KATNAL2: variants seen among roughly 807,000 people sequenced by gnomAD.
KATNAL2 encodes the protein katanin catalytic subunit A1 like 2.
KATNAL2 carries 52 observed loss-of-function variants against 76.3 expected under a neutral mutation model. The observed-to-expected ratio is 0.68, with a 90% CI of 0.55 to 0.86. The LOEUF is 0.86. Ranked by LOEUF, KATNAL2 falls within the 40% of genes least tolerant of loss-of-function variation. The probability of loss-of-function intolerance (pLI) is 0.00; values close to 1 mark genes in which losing one functional copy is unlikely to be tolerated. For synonymous variants in KATNAL2, 243 were observed against 244.2 expected (o/e 1.00, Z 0.05); for missense variants, 660 against 668.9 (o/e 0.99, Z 0.15).
At chr18:47,032,698 C>A (rs929335684) in intron 3 of KATNAL2, 5 of 445,400 alleles carry the variant, frequency 1.1e-5, no homozygotes, top group East Asian at 4.2e-5. Context: ...AATCTCACAT[C>A]TTTTTCCTTA....
At chr18:47,084,391 C>G (rs1285752934) in intron 15 of KATNAL2, 1 of 702,870 alleles carries the variant, frequency 1.4e-6, no homozygotes, top group Non-Finnish European at 2.6e-6. Context: ...CAATCAAGGT[C>G]TTGATTGTGC....
chr18:47,097,462 C>T (rs1325692293), intron 15 of KATNAL2, among the ~76,000 whole-genome samples: 1 of 152,146 alleles, frequency 6.6e-6, no homozygotes, highest in East Asian at 1.9e-4. Flanking sequence ...AAAATATTTA[C>T]CCTAAATCTC....
intron 1 of KATNAL2, among the ~76,000 whole-genome samples, chr18:46,920,694 G>A (rs2058490188): frequency 6.6e-6 from 1 of 152,150 alleles, no homozygotes; most frequent in South Asian, 2.1e-4. Flanking sequence ...TGGCTGAGTG[G>A]TAAAGGGTAG....
chr18:47,100,174 T>C (rs1184777551), intron 16 of KATNAL2, 80 bp from the exon 17 acceptor site: 14 of 918,378 alleles, frequency 1.5e-5, no homozygotes, highest in Non-Finnish European at 2.1e-5. Context: ...GGGCTTCTGA[T>C]ACTGGGTCCT....
rs1599908480 is a variant in KATNAL2, at chr18:47,101,969, A to C, written c.*964A>C. 6.6e-6 allele frequency: 1 copy of C among 152,048 alleles called. No homozygotes were observed. The highest frequency in any genetic ancestry group is 1.5e-5 in the Non-Finnish European group (1 of 68,002). The allele number at this position is 152,048 out of a possible 1,614,324, so 9.4% of individuals were successfully genotyped here. ...CACTTCTTTTCCCCCACTAGAACTT[A>C]CCTATGGGAAATCACCTTCTTTTCT... is the stretch of plus-strand genomic sequence containing the variant. On this transcript the variant is annotated 3_prime_UTR_variant, in exon 18 of 18. Coordinates refer to ENST00000683218, the MANE Select transcript of KATNAL2 (RefSeq NM_001387690.1).
chr18:46,922,378 T>G (rs1210709183), intron 1 of KATNAL2, among the ~76,000 whole-genome samples: 1 of 152,116 alleles, frequency 6.6e-6, no homozygotes, highest in African/African-American at 2.4e-5. Context: ...ATTACTGATG[T>G]GAGCCGCTGC....
chr18:46,921,417 C>T (rs972206018), intron 1 of KATNAL2, among the ~76,000 whole-genome samples: 11 of 152,154 alleles, frequency 7.2e-5, no homozygotes, highest in East Asian at 3.9e-4. Context: ...TGAGCTACTG[C>T]GCCTGGCATA....
rs111682949 is a variant in KATNAL2 at position 47,096,528 on chromosome 18, C to T, written c.1212-2715C>T. ...GGCTAATTTTTATATTGTGCAGAGACGGGGTCTCACTATGTTGCCCAGCAT... is the reference window on the plus strand; with the variant it reads ...GGCTAATTTTTATATTGTGCAGAGATGGGGTCTCACTATGTTGCCCAGCAT... On this transcript the variant is annotated intron_variant, in intron 15 of 17. Transcript: ENST00000683218. Among the ~76,000 whole-genome samples the T allele has an allele frequency of 4.6e-3, 696 of 152,128 alleles. 3 individuals carry two copies. The highest frequency in any genetic ancestry group is 0.016 in the African/African-American group (653 of 41,510).
intron 15 of KATNAL2, among the ~76,000 whole-genome samples, chr18:47,088,441 G>T (rs111959387): frequency 6.6e-6 from 1 of 152,118 alleles, no homozygotes; most frequent in Non-Finnish European, 1.5e-5. Flanking sequence ...GAAAAGTCTT[G>T]TTCATATTTT....
In KATNAL2 at chr18:46,946,688, T is replaced by G. The variant is rs1599403044; in HGVS notation, c.-20+142T>G. 3 of 1,051,978 alleles carry G rather than the reference T, an allele frequency of 2.9e-6. No homozygotes were observed. The East Asian group carries it at 7.9e-5, about 28-fold the overall frequency. 65.2% of individuals were successfully genotyped at this position (1,051,978 alleles called of 1,614,324 possible). A position where few individuals can be genotyped will look rare whatever the true frequency, so the allele number is the denominator to read the frequency against. Reference sequence around the variant, plus strand: ...TCATGCAAACACTCTGGATTAAACATGCATGGTCTAACATTGATTGGCATG... The same window carrying G: ...TCATGCAAACACTCTGGATTAAACAGGCATGGTCTAACATTGATTGGCATG... On this transcript the variant is annotated intron_variant, in intron 2 of 17. Coordinates refer to ENST00000683218, the MANE Select transcript of KATNAL2 (RefSeq NM_001387690.1).
intron 10 of KATNAL2, among the ~76,000 whole-genome samples, chr18:47,064,445 G>A (rs905553006): frequency 3.3e-5 from 5 of 152,168 alleles, no homozygotes; most frequent in African/African-American, 1.2e-4. Context: ...GAAGGGTGCT[G>A]TGAGCAGTAC....
At chr18:46,925,927 G>A (rs1230810927) in intron 1 of KATNAL2, among the ~76,000 whole-genome samples, 2 of 152,100 alleles carry the variant, frequency 1.3e-5, no homozygotes, top group African/African-American at 4.8e-5. Flanking sequence ...GATCGGTGGT[G>A]ATATCCCCTT....
At chr18:46,957,876 T>C (rs889278435) in intron 3 of KATNAL2, among the ~76,000 whole-genome samples, 1 of 151,960 alleles carries the variant, frequency 6.6e-6, no homozygotes, top group African/African-American at 2.4e-5. Flanking sequence ...TATTGTATTT[T>C]TAGTAGAGAC....
chr18:47,079,241 C>A (rs976397602), intron 15 of KATNAL2, among the ~76,000 whole-genome samples: 2 of 152,188 alleles, frequency 1.3e-5, no homozygotes, highest in African/African-American at 4.8e-5. Flanking sequence ...ATCACCCTAA[C>A]ATAATTAACA....
intron 3 of KATNAL2, chr18:47,034,457 T>G (rs769379578): frequency 6.2e-7 from 1 of 1,614,062 alleles, no homozygotes; most frequent in Admixed American, 1.7e-5. Flanking sequence ...TCCCTGGCAC[T>G]TGCCCAGGAG....
chr18:47,053,359 T>C (rs944183401), intron 5 of KATNAL2, among the ~76,000 whole-genome samples: 2 of 152,232 alleles, frequency 1.3e-5, no homozygotes, highest in African/African-American at 4.8e-5. Flanking sequence ...AAAAGAACTG[T>C]TGGAAGAGGA....
At chr18:46,920,982 G>A (rs2058505501) in intron 1 of KATNAL2, among the ~76,000 whole-genome samples, 1 of 152,088 alleles carries the variant, frequency 6.6e-6, no homozygotes, top group South Asian at 2.1e-4. Context: ...CATTTCCAAT[G>A]GTAAAATGTT....
chr18:47,089,150 C>G (rs532453376), intron 15 of KATNAL2, among the ~76,000 whole-genome samples: 3 of 152,334 alleles, frequency 2.0e-5, no homozygotes, highest in African/African-American at 7.2e-5. Context: ...AACCAAGAGA[C>G]AAACACCCCT....
intron 3 of KATNAL2, among the ~76,000 whole-genome samples, chr18:46,958,127 G>C (rs1001831082): frequency 6.7e-6 from 1 of 148,180 alleles, no homozygotes; most frequent in East Asian, 2.0e-4. Context: ...ACAGCGTTTT[G>C]TTTTTTTTTT....
Sources: gnomAD v4.1 joint callset for allele counts (sites outside exome capture counted in the v4.1 genomes callset) on GRCh38, gnomAD v4.1.1 for gene constraint, MANE v1.5 for transcripts, NCBI Gene and HGNC (gene_info 2026-07-23, HGNC 2026-07-21) for gene names.